RELL1: variants seen among roughly 807,000 people sequenced by gnomAD.
The protein encoded by RELL1 is RELT-like protein 1.
RELL1 carries 10 observed loss-of-function variants against 23.0 expected under a neutral mutation model. The ratio of observed to expected loss-of-function variants is 0.43; its 90% CI spans 0.27 to 0.74. RELL1 has a LOEUF of 0.74. RELL1 is among the 30% of genes least tolerant of loss of function. The pLI, the probability that RELL1 is intolerant of heterozygous loss-of-function variation, is 0.19. For synonymous variants in RELL1, 146 were observed against 146.8 expected (o/e 0.99, Z 0.04); for missense variants, 315 against 364.4 (o/e 0.86, Z 1.10).
At chr4:37,620,116 G>A (rs1348873216) in intron 6 of RELL1, among the ~76,000 whole-genome samples, 3 of 152,108 alleles carry the variant, frequency 2.0e-5, no homozygotes, top group Non-Finnish European at 4.4e-5. Flanking sequence ...GTCAATTCAG[G>A]AAAAATAATG....
At chr4:37,595,982 C>T (rs1405569341) in intron 6 of RELL1, among the ~76,000 whole-genome samples, 9 of 152,146 alleles carry the variant, frequency 5.9e-5, no homozygotes, top group African/African-American at 2.2e-4. Flanking sequence ...TCTCTTGGCT[C>T]CTAGTGATGG....
chr4:37,630,388 C>G (rs565819190), intron 6 of RELL1, among the ~76,000 whole-genome samples: 38 of 123,018 alleles, frequency 3.1e-4, no homozygotes, highest in Admixed American at 2.5e-3. Context: ...TTTTTGAGAC[C>G]GAGTCTCGCT....
intron 4 of RELL1, among the ~76,000 whole-genome samples, chr4:37,638,059 C>T (rs958101001): frequency 1.1e-4 from 16 of 152,232 alleles, no homozygotes; most frequent in African/African-American, 3.6e-4. Context: ...GACTCAACCA[C>T]ATCTCCCAAT....
intron 6 of RELL1, among the ~76,000 whole-genome samples, chr4:37,592,408 C>T (rs927128432): frequency 4.0e-5 from 6 of 151,358 alleles, no homozygotes; most frequent in East Asian, 1.9e-4. Context: ...AGGAAGGGAC[C>T]GAGCTGGTTT....
chr4:37,660,076 T>TTTTA (rs943722888), intron 1 of RELL1, among the ~76,000 whole-genome samples: 19 of 151,888 alleles, frequency 1.3e-4, no homozygotes, highest in South Asian at 6.3e-4. Flanking sequence ...ACACACCCAT[T>TTTTA]TTTATTTATT....
chr4:37,590,134 G>A (rs1267344063), downstream of RELL1: 10 of 1,614,194 alleles, frequency 6.2e-6, no homozygotes, highest in Admixed American at 1.3e-4. Flanking sequence ...CTATGTCAAT[G>A]AAGTCAACAG....
At chr4:37,592,414 G>T (rs1718665761) in intron 6 of RELL1, among the ~76,000 whole-genome samples, 1 of 150,928 alleles carries the variant, frequency 6.6e-6, no homozygotes, top group South Asian at 2.1e-4. Flanking sequence ...GGACCGAGCT[G>T]GTTTGCAGAG....
At chr4:37,631,883 C>T (rs918379130) in intron 5 of RELL1, among the ~76,000 whole-genome samples, 1 of 151,818 alleles carries the variant, frequency 6.6e-6, no homozygotes, top group African/African-American at 2.4e-5. Flanking sequence ...AATTTGAGAC[C>T]AGACTGGGTG....
At chr4:37,649,633 G>C in intron 1 of RELL1, 133 bp from the exon 2 acceptor site, 1 of 713,738 alleles carries the variant, frequency 1.4e-6, no homozygotes, top group Non-Finnish European at 2.3e-6. Flanking sequence ...GGTGGGTCCA[G>C]CTGCACAGGC....
At chr4:37,647,108 A>G (rs927464119) in intron 3 of RELL1, among the ~76,000 whole-genome samples, 1 of 152,188 alleles carries the variant, frequency 6.6e-6, no homozygotes, top group Non-Finnish European at 1.5e-5. Context: ...AATTGCACAC[A>G]ACCAGTAAGC....
At chr4:37,667,311 C>G (rs1299044487) in intron 1 of RELL1, among the ~76,000 whole-genome samples, 1 of 151,748 alleles carries the variant, frequency 6.6e-6, no homozygotes, top group East Asian at 1.9e-4. Context: ...CTCATTTCAT[C>G]CTTACAATAA....
intron 6 of RELL1, among the ~76,000 whole-genome samples, 177 bp downstream of exon 6, chr4:37,631,208 G>C (rs540546117): frequency 9.9e-5 from 15 of 152,112 alleles, no homozygotes; most frequent in Non-Finnish European, 1.9e-4. Flanking sequence ...TTTACAAGAA[G>C]CTCTAGGCAG....
In RELL1 at chr4:37,641,203, C is replaced by A. The variant is rs1384430941; in HGVS notation, c.386-2699G>T. On this transcript the variant is annotated intron_variant, in intron 3 of 6. Transcript: ENST00000454158. ...CATCCCCTTGGTTTGCTGAGTGAGT[C>A]TCTAGGACTCACCCTGTGGCATGTG... 2.0e-5 allele frequency among the ~76,000 whole-genome samples: 3 copies of A among 152,232 alleles called. No homozygotes were observed. The South Asian group carries it at 6.2e-4, about 32-fold the overall frequency.
rs572178586 is a variant in RELL1 at position 37,660,856 on chromosome 4, C to T, written c.89-11356G>A. On this transcript the variant is annotated intron_variant, in intron 1 of 6. Transcript: ENST00000454158. ...ACCATCCTGGCTAACACGGTGAAACCCCGTCTCTACTAAAAATATAACAGA... is the reference window on the plus strand; with the variant it reads ...ACCATCCTGGCTAACACGGTGAAACTCCGTCTCTACTAAAAATATAACAGA... Among the ~76,000 whole-genome samples the T allele has an allele frequency of 3.9e-5, 6 of 152,076 alleles. No homozygotes were observed. The South Asian group carries it at 6.2e-4, about 16-fold the overall frequency.
intron 6 of RELL1, among the ~76,000 whole-genome samples, chr4:37,629,258 G>C (rs1280676530): frequency 3.3e-5 from 5 of 152,202 alleles, no homozygotes; most frequent in African/African-American, 7.2e-5. Context: ...GACTTGAATA[G>C]CCAGATGCTT....
chr4:37,620,821 T>C (rs529094391), intron 6 of RELL1, among the ~76,000 whole-genome samples: 2 of 152,344 alleles, frequency 1.3e-5, no homozygotes, highest in East Asian at 3.9e-4. Flanking sequence ...TTAACACTTT[T>C]ATTGGCTACA....
Position 37,644,442 on chromosome 4 carries a change from A to T in RELL1, c.385+2926T>A, listed in dbSNP as rs1046544841. ...ATCTGGTACTTTTATTTTTATTTTT[A>T]TTTATTTATTTATTTATTTATTTAT... On this transcript the variant is annotated intron_variant, in intron 3 of 6. Coordinates refer to ENST00000454158, the MANE Select transcript of RELL1 (RefSeq NM_001085400.2). 7.2e-5 allele frequency among the ~76,000 whole-genome samples: 8 copies of T among 110,988 alleles called. No homozygotes were observed. In the East Asian group the frequency reaches 1.1e-3, roughly 16 times the overall value. 72.8% of individuals were successfully genotyped at this position (110,988 alleles called of 152,430 possible).
chr4:37,647,552 A>C, intron 2 of RELL1, 113 bp from the exon 3 acceptor site: 1 of 676,246 alleles, frequency 1.5e-6, no homozygotes, highest in Non-Finnish European at 2.7e-6. Context: ...TCAGGAGATC[A>C]CCCATGGTGC....
intron 1 of RELL1, among the ~76,000 whole-genome samples, chr4:37,664,131 A>C (rs1721449668): frequency 6.6e-6 from 1 of 152,212 alleles, no homozygotes; most frequent in Admixed American, 6.5e-5. Context: ...TAATCCCAGC[A>C]CTTTGGGAGG....
Sources: allele counts gnomAD v4.1 joint callset (sites outside exome capture counted in the v4.1 genomes callset), GRCh38; gene constraint gnomAD v4.1.1; transcripts MANE v1.5; gene names NCBI Gene and HGNC (gene_info 2026-07-23, HGNC 2026-07-21).